PRELID2: variants seen among roughly 807,000 people sequenced by gnomAD.
The protein encoded by PRELID2 is PRELI domain-containing protein 2.
PRELID2 carries 25 observed loss-of-function variants against 28.4 expected under a neutral mutation model. The ratio of observed to expected loss-of-function variants is 0.88; its 90% confidence interval spans 0.64 to 1.23. The LOEUF is 1.23. PRELID2 is among the 50% of genes most tolerant of loss of function. PRELID2 has a pLI of 0.00. For missense variants in PRELID2, 201 were observed against 214.4 expected (o/e 0.94, Z 0.39); for synonymous variants, 76 against 71.6 (o/e 1.06, Z -0.31).
intron 3 of PRELID2, among the ~76,000 whole-genome samples, chr5:145,818,889 CATCTT>C (rs1316198337): frequency 6.6e-6 from 1 of 152,142 alleles, no homozygotes; most frequent in Non-Finnish European, 1.5e-5. Context: ...TCCCAAATCT[CATCTT>C]GAATTGTAGC....
chr5:145,816,229 T>G (rs1040148356), intron 4 of PRELID2, among the ~76,000 whole-genome samples: 1 of 151,794 alleles, frequency 6.6e-6, no homozygotes, highest in Non-Finnish European at 1.5e-5. Flanking sequence ...ACCATAGGCA[T>G]GCACCACCAC....
the PRELID2 span, among the ~76,000 whole-genome samples, chr5:145,435,936 A>T: frequency 1.3e-5 from 2 of 152,234 alleles, no homozygotes; most frequent in East Asian, 1.9e-4. Flanking sequence ...CAAGATTTTT[A>T]AAATTTTTGT....
At chr5:145,653,810 T>A (rs1040667733) in intron 1 of PRELID2, among the ~76,000 whole-genome samples, 1 of 152,120 alleles carries the variant, frequency 6.6e-6, no homozygotes, top group African/African-American at 2.4e-5. Context: ...AGATCTAAAA[T>A]TGACATCTTA....
chr5:145,355,199 T>G, the PRELID2 span, among the ~76,000 whole-genome samples: 3 of 152,130 alleles, frequency 2.0e-5, no homozygotes, highest in African/African-American at 7.2e-5. Flanking sequence ...AAAAATACTT[T>G]CTTACATAAG....
At chr5:145,276,287 C>T in the PRELID2 span, among the ~76,000 whole-genome samples, 3 of 152,076 alleles carry the variant, frequency 2.0e-5, no homozygotes, top group African/African-American at 7.2e-5. Context: ...AAATGTCTTC[C>T]AACTACACCT....
intron 1 of PRELID2, among the ~76,000 whole-genome samples, chr5:145,523,081 G>A (rs964735026): frequency 6.6e-6 from 1 of 152,124 alleles, no homozygotes; most frequent in African/African-American, 2.4e-5. Flanking sequence ...ATGGATCCTT[G>A]TAGTTGGGGT....
chr5:145,588,798 G>T (rs994549798), intron 1 of PRELID2, among the ~76,000 whole-genome samples: 3 of 151,818 alleles, frequency 2.0e-5, no homozygotes, highest in African/African-American at 7.3e-5. Flanking sequence ...ACCAGCAGCA[G>T]CCAGGTTCAG....
At chr5:145,592,401 C>G (rs1050341427) in intron 1 of PRELID2, among the ~76,000 whole-genome samples, 3 of 151,674 alleles carry the variant, frequency 2.0e-5, no homozygotes, top group African/African-American at 7.3e-5. Flanking sequence ...GCCTGGGCAA[C>G]AGAGCGAGAC....
intron 1 of PRELID2, among the ~76,000 whole-genome samples, chr5:145,737,254 A>AC (rs1489258950): frequency 6.6e-6 from 1 of 152,086 alleles, no homozygotes; most frequent in Non-Finnish European, 1.5e-5. Flanking sequence ...AGGCGGGAGT[A>AC]TAACAGGGGA....
rs151039701 is a variant in PRELID2 at position 145,815,949 on chromosome 5, C to T, written c.368+1945G>A. On this transcript the variant is annotated intron_variant, in intron 4 of 6. Transcript: ENST00000683046. ...ATTGCTGGGTCAAGTGGTAATTCTACGTTTAACTTTTTGAGGATCTGAAAA... is the reference window on the plus strand; with the variant it reads ...ATTGCTGGGTCAAGTGGTAATTCTATGTTTAACTTTTTGAGGATCTGAAAA... Among the ~76,000 whole-genome samples the T allele has an allele frequency of 7.0e-3, 1,062 of 152,078 alleles. 13 individuals carry two copies. Among genetic ancestry groups the T allele is most frequent in the African/African-American group, 0.024 (1,006 of 41,504 alleles).
At chr5:145,497,048 C>T (rs1249667744) in intron 1 of PRELID2, among the ~76,000 whole-genome samples, 1 of 151,482 alleles carries the variant, frequency 6.6e-6, no homozygotes, top group East Asian at 1.9e-4. Flanking sequence ...AATTTTTATA[C>T]ATACAGGGTC....
At chr5:145,245,962 C>G in the PRELID2 span, among the ~76,000 whole-genome samples, 2 of 151,812 alleles carry the variant, frequency 1.3e-5, no homozygotes, top group Non-Finnish European at 2.9e-5. Flanking sequence ...TAAGAATCCT[C>G]TGGAAAGAGG....
At chr5:145,771,357 C>T (rs969548415) in intron 5 of PRELID2, among the ~76,000 whole-genome samples, 11 of 151,750 alleles carry the variant, frequency 7.2e-5, no homozygotes, top group South Asian at 2.1e-4. Context: ...ATGACAAAAT[C>T]GTCTAATAAT....
At chr5:145,503,253 C>A (rs1752375135) in intron 1 of PRELID2, among the ~76,000 whole-genome samples, 1 of 152,086 alleles carries the variant, frequency 6.6e-6, no homozygotes, top group Non-Finnish European at 1.5e-5. Flanking sequence ...AGTTCATGAG[C>A]TATTCTAATC....
the PRELID2 span, among the ~76,000 whole-genome samples, chr5:145,328,777 T>G: frequency 2.0e-5 from 3 of 152,358 alleles, no homozygotes; most frequent in African/African-American, 7.2e-5. Flanking sequence ...CTCTTTAGTT[T>G]AATTAGATCC....
chr5:145,707,911 C>T (rs939470420), intron 1 of PRELID2, among the ~76,000 whole-genome samples: 4 of 152,176 alleles, frequency 2.6e-5, no homozygotes, highest in African/African-American at 9.7e-5. Context: ...GCTGCGTGAC[C>T]TCAGCCCCCA....
intron 1 of PRELID2, among the ~76,000 whole-genome samples, chr5:145,713,776 G>T (rs896961869): frequency 6.8e-6 from 1 of 146,356 alleles, no homozygotes. Context: ...AGAAGACAAT[G>T]GAATTACATT....
At chr5:145,250,487 T>C in the PRELID2 span, among the ~76,000 whole-genome samples, 1 of 152,110 alleles carries the variant, frequency 6.6e-6, no homozygotes, top group African/African-American at 2.4e-5. Context: ...ACTGACCAAC[T>C]TGCGATCAAA....
chr5:145,750,139 C>T (rs894870320), intron 1 of PRELID2, among the ~76,000 whole-genome samples: 3 of 151,266 alleles, frequency 2.0e-5, no homozygotes, highest in African/African-American at 7.3e-5. Flanking sequence ...AAAATCTCCC[C>T]CAAACAGAAA....
Sources: gnomAD v4.1 joint callset for allele counts (sites outside exome capture counted in the v4.1 genomes callset) on GRCh38, gnomAD v4.1.1 for gene constraint, MANE v1.5 for transcripts, NCBI Gene and HGNC (gene_info 2026-07-23, HGNC 2026-07-21) for gene names.